WDR33: variants seen among roughly 807,000 people sequenced by gnomAD.
The protein encoded by WDR33 is WD repeat domain 33.
Under a neutral mutation model 164.9 loss-of-function variants are expected in WDR33, and 47 were observed. That is an observed-to-expected ratio of 0.29 (90% CI 0.23 to 0.36). The LOEUF is 0.36. Among genes scored for constraint, WDR33 ranks in the 10% least tolerant of loss-of-function variants. The pLI is 1.00. For synonymous variants in WDR33, 505 were observed against 589.0 expected (o/e 0.86, Z 2.06); for missense variants, 1,137 against 1,754.1 (o/e 0.65, Z 6.28).
Position 127,764,145 on chromosome 2 carries a change from T to C in WDR33, c.626+683A>G, listed in dbSNP as rs1301184971. 7.0e-6 allele frequency: 7 copies of C among 1,005,468 alleles called. No individual in the cohort carries two copies. In the African/African-American group the frequency reaches 8.7e-5, roughly 12 times the overall value. The allele number at this position is 1,005,468 out of a possible 1,614,324, so 62.3% of individuals were successfully genotyped here. On this transcript the variant is annotated intron_variant, in intron 6 of 21. Transcript: ENST00000322313. The surrounding 1 kb of genome is among the most constrained non-coding windows in gnomAD (Gnocchi z 6.2). ...AGTTTTACTATACATACCTCACTGA[T>C]GTGTAAAAATATACAACTCACTGAA...
At position 127,768,295 on chromosome 2, in the gene WDR33, TAC is replaced by T; in HGVS notation, c.274-4_274-3del. ...CAACATTCCTATAGGTGGGACCAGC[TAC>T]AAAAAAGGAAAATTGGGTTCTTAGA... On this transcript the variant is annotated splice_region_variant and splice_polypyrimidine_tract_variant and intron_variant, in intron 3 of 21. Transcript: ENST00000322313. 6.6e-7 allele frequency: 1 copy of T among 1,526,650 alleles called. No homozygotes were observed. Among genetic ancestry groups the T allele is most frequent in the Non-Finnish European group, 8.8e-7 (1 of 1,132,046 alleles). 94.6% of individuals were successfully genotyped at this position (1,526,650 alleles called of 1,614,324 possible). A position where few individuals can be genotyped will look rare whatever the true frequency, so the allele number is the denominator to read the frequency against.
Position 127,721,743 on chromosome 2 carries a change from GC to G in WDR33, c.1671+92del. 1 of 1,339,860 alleles carries G rather than the reference GC, an allele frequency of 7.5e-7. No individual in the cohort carries two copies. 83.0% of individuals were successfully genotyped at this position (1,339,860 alleles called of 1,614,324 possible). A position where few individuals can be genotyped will look rare whatever the true frequency, so the allele number is the denominator to read the frequency against. ...GCGGTGTTTGTCAGACCATGGGAGA[GC>G]CCCTTCCCTTTTCCTTAAGAGCCTA... is the stretch of plus-strand genomic sequence containing the variant. On this transcript the variant is annotated intron_variant, in intron 15 of 21. Transcript: ENST00000322313. This position sits in a 1 kb window ranked among gnomAD's most constrained non-coding sequence, Gnocchi z 4.9.
chr2:127,776,592 C>T (rs1239626981), intron 1 of WDR33, among the ~76,000 whole-genome samples: 1 of 152,096 alleles, frequency 6.6e-6, no homozygotes, highest in Non-Finnish European at 1.5e-5. Context: ...ACCTATAGTC[C>T]CAGCTACTCA....
At chr2:127,752,915 CTTTATTTA>C (rs547909506) in intron 7 of WDR33, among the ~76,000 whole-genome samples, 2 of 151,948 alleles carry the variant, frequency 1.3e-5, no homozygotes, top group Non-Finnish European at 2.9e-5. Context: ...ACTTATAAGA[CTTTATTTA>C]TTTATTTATT....
chr2:127,709,813 G>C lies in WDR33; in HGVS notation c.3352C>G (p.Pro1118Ala), dbSNP rs755491859. 4.3e-6 allele frequency: 7 copies of C among 1,614,038 alleles called. No individual in the cohort carries two copies. In the East Asian group the frequency reaches 1.1e-4, roughly 26 times the overall value. The change falls in exon 19 of 22, where the codon CCC (proline) becomes GCC (alanine). Residue 1118 changes from proline (P) to alanine (A), a missense_variant. Transcript: ENST00000322313. The surrounding 1 kb of genome is among the most constrained non-coding windows in gnomAD (Gnocchi z 5.0). The part of the protein sequence containing the change: ...APPRHEGRAP[P>A]RGRDGFPGPE... Reference sequence around the variant, plus strand: ...CCAGGAAAACCATCCCTTCCTCTGGGGGGAGCACGGCCCTCATGCCTCGGC... The same window carrying C: ...CCAGGAAAACCATCCCTTCCTCTGGCGGGAGCACGGCCCTCATGCCTCGGC...
intron 7 of WDR33, chr2:127,736,245 T>A: frequency 1.0e-6 from 1 of 985,392 alleles, no homozygotes; most frequent in African/African-American, 1.7e-5. Context: ...TGTCTGGCAA[T>A]GATGAACCTG....
chr2:127,749,404 G>T (rs1174594924), intron 7 of WDR33, among the ~76,000 whole-genome samples: 1 of 152,108 alleles, frequency 6.6e-6, no homozygotes, highest in Admixed American at 6.5e-5. Flanking sequence ...GCTCGTGTCT[G>T]TAATCCCAGC....
At position 127,709,270 on chromosome 2, in the gene WDR33, G is replaced by A. The variant is rs2579379; in HGVS notation, c.3565+220C>T. Among the ~76,000 whole-genome samples, 362 of 152,270 alleles carry A rather than the reference G, an allele frequency of 2.4e-3. No individual in the cohort carries two copies. The highest frequency in any genetic ancestry group is 8.5e-3 in the African/African-American group (352 of 41,536). On this transcript the variant is annotated intron_variant, in intron 20 of 21. Transcript: ENST00000322313. This position sits in a 1 kb window ranked among gnomAD's most constrained non-coding sequence, Gnocchi z 5.0. ...GCAATTTAGTGGAAAGAGCAGTCCCGTTTTATACTCAGATAGATCCCTGTA... is the reference window on the plus strand; with the variant it reads ...GCAATTTAGTGGAAAGAGCAGTCCCATTTTATACTCAGATAGATCCCTGTA...
chr2:127,758,762 C>A (rs1166068382), intron 7 of WDR33, among the ~76,000 whole-genome samples: 3 of 152,026 alleles, frequency 2.0e-5, no homozygotes, highest in Non-Finnish European at 4.4e-5. Context: ...TTCCATATGC[C>A]CATAAAACTA....
Position 127,763,743 on chromosome 2 carries a change from A to C in WDR33, c.627-584T>G. 1.0e-6 allele frequency: 1 copy of C among 985,656 alleles called. No individual in the cohort carries two copies. The highest frequency in any genetic ancestry group is 4.7e-5 in the South Asian group (1 of 21,294). 61.1% of individuals were successfully genotyped at this position (985,656 alleles called of 1,614,324 possible). ...GCACCTTTGAGGAAAACTTTAAAATAAGGACATTCAGACTTGTGTGTAAAG... is the reference window on the plus strand; with the variant it reads ...GCACCTTTGAGGAAAACTTTAAAATCAGGACATTCAGACTTGTGTGTAAAG... On this transcript the variant is annotated intron_variant, in intron 6 of 21. Coordinates refer to ENST00000322313, the MANE Select transcript of WDR33 (RefSeq NM_018383.5). This position sits in a 1 kb window ranked among gnomAD's most constrained non-coding sequence, Gnocchi z 4.5.
At chr2:127,794,966 G>A (rs939869741) in intron 1 of WDR33, among the ~76,000 whole-genome samples, 1 of 151,748 alleles carries the variant, frequency 6.6e-6, no homozygotes, top group African/African-American at 2.4e-5. Context: ...CAAGTCCTGA[G>A]CAACATGATA....
Position 127,701,553 on chromosome 2 carries a change from C to T in WDR33, c.*4770G>A, listed in dbSNP as rs747998902. 1.5e-5 allele frequency: 21 copies of T among 1,364,286 alleles called. No homozygotes were observed. Among genetic ancestry groups the T allele is most frequent in the African/African-American group, 3.0e-5 (2 of 65,998 alleles). 84.5% of individuals were successfully genotyped at this position (1,364,286 alleles called of 1,614,324 possible). A position where few individuals can be genotyped will look rare whatever the true frequency, so the allele number is the denominator to read the frequency against. ...GATGGCGGACCTCCACCGCCAGCTG[C>T]AGGAGTACCTGGCGCAGGGGAAAGC... is the stretch of plus-strand genomic sequence containing the variant. On this transcript the variant is annotated 3_prime_UTR_variant, in exon 22 of 22. Transcript: ENST00000322313.
intron 1 of WDR33, among the ~76,000 whole-genome samples, chr2:127,788,187 G>C (rs1252337668): frequency 8.4e-6 from 1 of 119,022 alleles, no homozygotes; most frequent in African/African-American, 3.4e-5. Context: ...GCGGCTGGCC[G>C]GGCGGAGGGC....
Position 127,723,146 on chromosome 2 carries a change from A to C in WDR33, c.1292-102T>G. On this transcript the variant is annotated intron_variant, in intron 12 of 21. Transcript: ENST00000322313. This position sits in a 1 kb window ranked among gnomAD's most constrained non-coding sequence, Gnocchi z 5.9. ...TGAATGTCACTGATGATTTATAAAT[A>C]AATCTACTATAAAATTAAAATTCAT... The C allele has an allele frequency of 7.1e-7, 1 of 1,416,128 alleles. No homozygotes were observed. The highest frequency in any genetic ancestry group is 9.7e-7 in the Non-Finnish European group (1 of 1,034,778). The allele number at this position is 1,416,128 out of a possible 1,614,324, so 87.7% of individuals were successfully genotyped here.
Position 127,738,928 on chromosome 2 carries a change from C to T in WDR33, c.725-12151G>A, listed in dbSNP as rs1014252537. Among the ~76,000 whole-genome samples, 3 of 152,114 alleles carry T rather than the reference C, an allele frequency of 2.0e-5. No individual in the cohort carries two copies. The highest frequency in any genetic ancestry group is 6.5e-5 in the Admixed American group (1 of 15,280). Reference sequence around the variant, plus strand: ...ATAGGGGGAAAAGTTTTGAATCTAGCATTCAATATCCAACCAGTCCCGTTA... The same window carrying T: ...ATAGGGGGAAAAGTTTTGAATCTAGTATTCAATATCCAACCAGTCCCGTTA... On this transcript the variant is annotated intron_variant, in intron 7 of 21. Transcript: ENST00000322313. The surrounding 1 kb of genome is among the most constrained non-coding windows in gnomAD (Gnocchi z 4.4).
Position 127,712,694 on chromosome 2 carries a change from TATC to T in WDR33, c.3308+886_3308+888del, listed in dbSNP as rs1361953493. Among the ~76,000 whole-genome samples the T allele has an allele frequency of 1.3e-5, 2 of 152,250 alleles. No individual in the cohort carries two copies. Among genetic ancestry groups the T allele is most frequent in the East Asian group, 1.9e-4 (1 of 5,208 alleles). ...CAACATCTGATACAAAATACTCAATTATCATCATCTTTAATTATTCTGAGTCTC... is the reference window on the plus strand; with the variant it reads ...CAACATCTGATACAAAATACTCAATTATCATCTTTAATTATTCTGAGTCTC... On this transcript the variant is annotated intron_variant, in intron 18 of 21. Coordinates refer to ENST00000322313, the MANE Select transcript of WDR33 (RefSeq NM_018383.5). This position sits in a 1 kb window ranked among gnomAD's most constrained non-coding sequence, Gnocchi z 4.0.
At position 127,722,603 on chromosome 2, in the gene WDR33, A is replaced by T. The variant is rs762163559; in HGVS notation, c.1506T>A (p.Ala502=). The change falls in exon 14 of 22, where the codon GCT becomes GCA. Residue 502 remains alanine (A), a synonymous_variant. Transcript: ENST00000322313. This position sits in a 1 kb window ranked among gnomAD's most constrained non-coding sequence, Gnocchi z 5.1. ...KKVPYAKPIP[A]QFQQAWMQNK... ...CACTTTTACTTACCTGCTGGAACTG[A>T]GCAGGAATGGGTTTTGCATAAGGAA... is the stretch of plus-strand genomic sequence containing the variant. 6.2e-7 allele frequency: 1 copy of T among 1,614,002 alleles called. No individual in the cohort carries two copies. Among genetic ancestry groups the T allele is most frequent in the South Asian group, 1.1e-5 (1 of 91,012 alleles).
In WDR33 at chr2:127,713,286, T is replaced by A. The variant is rs74767873; in HGVS notation, c.3308+297A>T. On this transcript the variant is annotated intron_variant, in intron 18 of 21. Coordinates refer to ENST00000322313, the MANE Select transcript of WDR33 (RefSeq NM_018383.5). This position sits in a 1 kb window ranked among gnomAD's most constrained non-coding sequence, Gnocchi z 6.2. The stretch of plus-strand genomic sequence containing the variant: ...TTCTAATCAAGAAGAACCTGGAAAT[T>A]TTAAGTCAGATCCCAGCAAGTCTTG... 2.0e-5 allele frequency among the ~76,000 whole-genome samples: 3 copies of A among 152,158 alleles called. No homozygotes were observed. Among genetic ancestry groups the A allele is most frequent in the Non-Finnish European group, 4.4e-5 (3 of 68,024 alleles).
At chr2:127,799,814 A>T (rs1479045020) in intron 1 of WDR33, among the ~76,000 whole-genome samples, 2 of 152,198 alleles carry the variant, frequency 1.3e-5, no homozygotes, top group Non-Finnish European at 2.9e-5. Flanking sequence ...GGACTGCTTG[A>T]GCCCAAGAGT....
Sources: allele counts gnomAD v4.1 joint callset (sites outside exome capture counted in the v4.1 genomes callset), GRCh38; gene constraint gnomAD v4.1.1; non-coding constraint Gnocchi (gnomAD v3.1); transcripts MANE v1.5; gene names NCBI Gene and HGNC (gene_info 2026-07-23, HGNC 2026-07-21).